IQUB: variants seen among roughly 807,000 people sequenced by gnomAD.
IQUB encodes IQ motif and ubiquitin-like domain-containing protein.
IQUB carries 86 observed loss-of-function variants against 86.4 expected under a neutral mutation model. The observed-to-expected ratio is 1.00, with a 90% CI of 0.84 to 1.19. The LOEUF (loss-of-function observed/expected upper bound fraction) is 1.19. IQUB is among the 50% of genes most tolerant of loss of function. The pLI, the probability that IQUB is intolerant of heterozygous loss-of-function variation, is 0.00. For synonymous variants in IQUB, 289 were observed against 304.5 expected (o/e 0.95, Z 0.53); for missense variants, 946 against 916.9 (o/e 1.03, Z -0.41).
intron 8 of IQUB, among the ~76,000 whole-genome samples, chr7:123,475,544 C>A (rs1794710683): frequency 6.6e-6 from 1 of 152,058 alleles, no homozygotes; most frequent in African/African-American, 2.4e-5. Context: ...TAAATGTTTA[C>A]AGACAATGCT....
At chr7:123,515,544 A>G (rs1796601400) in intron 1 of IQUB, among the ~76,000 whole-genome samples, 1 of 152,306 alleles carries the variant, frequency 6.6e-6, no homozygotes, top group Middle Eastern at 3.4e-3. Context: ...ACTGCTCTAC[A>G]CTTGTACTCA....
intron 1 of IQUB, among the ~76,000 whole-genome samples, chr7:123,533,743 G>A (rs1398360936): frequency 1.3e-5 from 2 of 152,240 alleles, no homozygotes; most frequent in Non-Finnish European, 1.5e-5. Context: ...ATTTGCGTAT[G>A]TCTAAAACAC....
intron 9 of IQUB, among the ~76,000 whole-genome samples, chr7:123,465,604 G>A (rs1021053595): frequency 5.9e-5 from 9 of 151,972 alleles, no homozygotes; most frequent in Admixed American, 1.3e-4. Flanking sequence ...AGTAACAAGC[G>A]ATTAATGTAG....
chr7:123,470,832 CAG>C, intron 8 of IQUB, among the ~76,000 whole-genome samples: 1 of 147,046 alleles, frequency 6.8e-6, no homozygotes, highest in Non-Finnish European at 1.5e-5. Flanking sequence ...GCCTGGGTGA[CAG>C]AGCAAGACTC....
intron 1 of IQUB, among the ~76,000 whole-genome samples, chr7:123,512,752 ACC>A (rs1456688477): frequency 3.9e-5 from 6 of 152,274 alleles, no homozygotes; most frequent in African/African-American, 1.4e-4. Flanking sequence ...TAGCAAGTGT[ACC>A]CTGAACAGAA....
intron 7 of IQUB, among the ~76,000 whole-genome samples, chr7:123,495,524 G>T (rs1322022782): frequency 6.6e-6 from 1 of 152,072 alleles, no homozygotes; most frequent in Non-Finnish European, 1.5e-5. Context: ...TTTGCTTAGT[G>T]TTATAAATAA....
At chr7:123,494,625 T>G (rs1795632607) in intron 7 of IQUB, among the ~76,000 whole-genome samples, 1 of 152,098 alleles carries the variant, frequency 6.6e-6, no homozygotes, top group Non-Finnish European at 1.5e-5. Context: ...TTATATAAAA[T>G]ATATCTGTTC....
At chr7:123,526,348 T>C (rs1293901067) in intron 1 of IQUB, among the ~76,000 whole-genome samples, 1 of 151,916 alleles carries the variant, frequency 6.6e-6, no homozygotes, top group African/African-American at 2.4e-5. Flanking sequence ...AGTCTCTTTG[T>C]AGGTCACTCA....
rs1401636621 is a variant in IQUB, at chr7:123,452,875, A to G, written c.2244T>C (p.Ala748=). The G allele has an allele frequency of 6.2e-7, 1 of 1,613,484 alleles. No individual in the cohort carries two copies. Among genetic ancestry groups the G allele is most frequent in the Non-Finnish European group, 8.5e-7 (1 of 1,179,672 alleles). ...CTGGAACCTGAGAAAAATAGTTCTT[A>G]GCCAGGATATGTTTGTGTTTGATCT... ...IHKIKHKHIL[A]KNYFSQVPVL... is the part of the protein sequence containing the mutation. Residue 748 remains alanine (A), a synonymous_variant, in exon 13 of 13, where the codon GCT becomes GCC. Coordinates refer to ENST00000324698, the MANE Select transcript of IQUB (RefSeq NM_178827.5).
intron 8 of IQUB, among the ~76,000 whole-genome samples, chr7:123,470,893 G>A (rs1279485613): frequency 1.3e-5 from 2 of 151,874 alleles, no homozygotes; most frequent in Admixed American, 1.3e-4. Context: ...ACAGTATCAG[G>A]AGGGAATTTT....
intron 3 of IQUB, among the ~76,000 whole-genome samples, 181 bp from the exon 4 acceptor site, chr7:123,503,544 C>G (rs1486843531): frequency 2.0e-5 from 3 of 151,978 alleles, no homozygotes; most frequent in Admixed American, 2.0e-4. Flanking sequence ...ACCTCATATA[C>G]TTATCATTTT....
intron 8 of IQUB, among the ~76,000 whole-genome samples, chr7:123,477,702 G>A (rs530604597): frequency 6.6e-6 from 1 of 151,394 alleles, no homozygotes; most frequent in African/African-American, 2.4e-5. Context: ...TCTGACAAAG[G>A]GCTAATATCC....
intron 1 of IQUB, among the ~76,000 whole-genome samples, chr7:123,534,088 G>A (rs373204290): frequency 1.3e-3 from 198 of 152,300 alleles, no homozygotes; most frequent in African/African-American, 4.7e-3. Context: ...AGGAGTGAGA[G>A]TGCCAGGTGA....
intron 1 of IQUB, among the ~76,000 whole-genome samples, chr7:123,521,518 G>A (rs554886713): frequency 3.3e-5 from 5 of 152,060 alleles, no homozygotes; most frequent in East Asian, 1.9e-4. Flanking sequence ...ATTGTGGCAC[G>A]CACCTGCAAT....
At chr7:123,492,446 T>A (rs1167623903) in intron 7 of IQUB, among the ~76,000 whole-genome samples, 2 of 152,218 alleles carry the variant, frequency 1.3e-5, no homozygotes, top group Admixed American at 6.5e-5. Context: ...AGAAAAGCTG[T>A]GTGACCTTAA....
At chr7:123,492,318 C>T (rs1795508835) in intron 7 of IQUB, among the ~76,000 whole-genome samples, 1 of 152,114 alleles carries the variant, frequency 6.6e-6, no homozygotes, top group Non-Finnish European at 1.5e-5. Context: ...TGTTCAAAAG[C>T]AAAAAGTTTA....
chr7:123,461,325 C>A (rs1419618272), intron 11 of IQUB, 32 bp downstream of exon 11: 1 of 1,569,464 alleles, frequency 6.4e-7, no homozygotes, highest in African/African-American at 1.4e-5. Context: ...TGACAAGCTT[C>A]AGCTATAATT....
chr7:123,528,630 A>T (rs952647085), intron 1 of IQUB, among the ~76,000 whole-genome samples: 7 of 152,172 alleles, frequency 4.6e-5, no homozygotes, highest in Non-Finnish European at 1.0e-4. Context: ...GGTGATGAAG[A>T]AAAAGTCTAG....
At chr7:123,464,264 C>T (rs568489945) in intron 10 of IQUB, among the ~76,000 whole-genome samples, 5 of 151,932 alleles carry the variant, frequency 3.3e-5, no homozygotes, top group Non-Finnish European at 4.4e-5. Context: ...AGCCTAACGA[C>T]GCTGGAGTTG....
Sources: gnomAD v4.1 joint callset for allele counts (sites outside exome capture counted in the v4.1 genomes callset) on GRCh38, gnomAD v4.1.1 for gene constraint, MANE v1.5 for transcripts, NCBI Gene and HGNC (gene_info 2026-07-23, HGNC 2026-07-21) for gene names.